GRM8: variants seen among roughly 807,000 people sequenced by gnomAD.
The protein encoded by GRM8 is glutamate metabotropic receptor 8, also known as metabotropic glutamate receptor 8.
GRM8 carries 47 observed loss-of-function variants against 87.2 expected under a neutral mutation model. The observed-to-expected ratio is 0.54, with a 90% CI of 0.43 to 0.69. The LOEUF is 0.69. Ranked by LOEUF, GRM8 falls within the 30% of genes least tolerant of loss-of-function variation. The pLI is 0.00. For synonymous variants in GRM8, 396 were observed against 404.5 expected (o/e 0.98, Z 0.25); for missense variants, 1,019 against 1,139.2 (o/e 0.89, Z 1.52).
At chr7:126,578,424 T>C (rs933279367) in intron 8 of GRM8, among the ~76,000 whole-genome samples, 3 of 152,156 alleles carry the variant, frequency 2.0e-5, no homozygotes, top group Non-Finnish European at 4.4e-5. Flanking sequence ...AAGGAGCAAG[T>C]GGTGTGGAGA....
intron 3 of GRM8, among the ~76,000 whole-genome samples, chr7:127,021,848 A>G (rs1282408584): frequency 6.6e-6 from 1 of 152,146 alleles, no homozygotes; most frequent in Non-Finnish European, 1.5e-5. Flanking sequence ...TAGAAAGGAT[A>G]CTAGAAAATA....
At chr7:126,680,776 T>A in intron 7 of GRM8, among the ~76,000 whole-genome samples, 1 of 152,226 alleles carries the variant, frequency 6.6e-6, no homozygotes, top group East Asian at 1.9e-4. Context: ...CCAGAAATAT[T>A]TGTTTTCTCC....
intron 9 of GRM8, among the ~76,000 whole-genome samples, chr7:126,519,901 A>T (rs1317746314): frequency 1.3e-5 from 2 of 152,140 alleles, no homozygotes; most frequent in Non-Finnish European, 2.9e-5. Context: ...AGAAATTTCA[A>T]ACAAACACTA....
At chr7:127,080,271 G>T (rs1386099519) in intron 3 of GRM8, among the ~76,000 whole-genome samples, 1 of 152,188 alleles carries the variant, frequency 6.6e-6, no homozygotes, top group African/African-American at 2.4e-5. Flanking sequence ...GGCAGCTTCT[G>T]GAAGCTGGAA....
intron 3 of GRM8, among the ~76,000 whole-genome samples, chr7:127,037,912 C>T (rs2132361733): frequency 6.6e-6 from 1 of 151,706 alleles, no homozygotes; most frequent in African/African-American, 2.4e-5. Flanking sequence ...AACTTGGATG[C>T]TTTTAATATG....
At position 126,696,478 on chromosome 7, in the gene GRM8, C is replaced by T. The variant is rs185858526; in HGVS notation, c.1357+73387G>A. On this transcript the variant is annotated intron_variant, in intron 7 of 10. Coordinates refer to ENST00000339582, the MANE Select transcript of GRM8 (RefSeq NM_000845.3). ...GCTCCCACTTACAAGTGAGAACATG[C>T]GGTCTTTGATTTTCTGTTCCTGTGT... Among the ~76,000 whole-genome samples, 4 of 152,102 alleles carry T rather than the reference C, an allele frequency of 2.6e-5. No individual in the cohort carries two copies. The East Asian group carries it at 5.8e-4, about 22-fold the overall frequency.
At chr7:126,614,256 C>A (rs1013290637) in intron 7 of GRM8, among the ~76,000 whole-genome samples, 5 of 152,130 alleles carry the variant, frequency 3.3e-5, no homozygotes, top group East Asian at 3.9e-4. Context: ...TGCTGATACC[C>A]AAGCAAACAG....
chr7:126,610,268 G>A (rs1238644139), intron 7 of GRM8, among the ~76,000 whole-genome samples: 1 of 152,112 alleles, frequency 6.6e-6, no homozygotes, highest in East Asian at 1.9e-4. Flanking sequence ...AGTAGAAATG[G>A]ATCACCACCC....
At chr7:126,956,517 G>T (rs1808701944) in intron 3 of GRM8, among the ~76,000 whole-genome samples, 1 of 151,972 alleles carries the variant, frequency 6.6e-6, no homozygotes, top group Admixed American at 6.6e-5. Flanking sequence ...TAAGTTTTAG[G>T]GTACATGTGC....
intron 7 of GRM8, among the ~76,000 whole-genome samples, chr7:126,665,866 A>G (rs539654984): frequency 9.2e-5 from 14 of 152,060 alleles, no homozygotes; most frequent in Non-Finnish European, 1.8e-4. Flanking sequence ...TGCATGTTTT[A>G]TTGTTTTCAA....
At chr7:126,489,196 C>T (rs519) in intron 9 of GRM8, among the ~76,000 whole-genome samples, 2,888 of 152,066 alleles carry the variant, frequency 0.019, 31 homozygotes, top group Non-Finnish European at 0.029. Context: ...TGCTTATCCC[C>T]GTTCTGATAT....
chr7:126,530,937 C>A (rs913968935), intron 9 of GRM8, among the ~76,000 whole-genome samples: 1 of 152,108 alleles, frequency 6.6e-6, no homozygotes, highest in African/African-American at 2.4e-5. Flanking sequence ...GCCTCCTGAA[C>A]AGCTTGGACT....
At chr7:126,475,555 A>C (rs1050949992) in intron 9 of GRM8, among the ~76,000 whole-genome samples, 13 of 152,122 alleles carry the variant, frequency 8.5e-5, no homozygotes, top group African/African-American at 3.1e-4. Context: ...ATGATCTACA[A>C]ATTCAATGTA....
chr7:126,615,356 C>T lies in GRM8; in HGVS notation c.1358-5858G>A, dbSNP rs934777299. On this transcript the variant is annotated intron_variant, in intron 7 of 10. Coordinates refer to ENST00000339582, the MANE Select transcript of GRM8 (RefSeq NM_000845.3). ...TTTTGTCACCACCAGGCCTGCCCTA[C>T]AAGAGCTCCTGAAGGAAGCACTAAA... 2.9e-4 allele frequency among the ~76,000 whole-genome samples: 44 copies of T among 152,202 alleles called. 1 individual carries two copies. The highest frequency in any genetic ancestry group is 1.0e-3 in the African/African-American group (43 of 41,536).
In GRM8 at chr7:126,770,034, A is replaced by G. The variant is rs141468999; in HGVS notation, c.1188T>C (p.Tyr396=). The G allele has an allele frequency of 1.1e-4, 174 of 1,612,722 alleles. No homozygotes were observed. In the African/African-American group the frequency reaches 2.0e-3, roughly 18 times the overall value. Residue 396 remains tyrosine (Y), a synonymous_variant, in exon 7 of 11, where the codon TAT becomes TAC. Transcript: ENST00000339582. ...GLERIARDSS[Y]EQEGKVQFVI... is the part of the protein sequence containing the mutation. ...CAAATTGGACCTTTCCTTCCTGTTC[A>G]TAAGATGAATCCCGAGCAATTCGCT...
rs1254593753 is a variant in GRM8, at chr7:127,106,685, C to T, written c.538G>A (p.Ala180Thr). The change falls in exon 3 of 11, where the codon GCC becomes ACC. Residue 180 changes from alanine (A) to threonine (T), a missense_variant. By Grantham distance (58) the Ala-to-Thr change is moderately conservative (BLOSUM62 0). Transcript: ENST00000339582. ...CTGGTGTTATCACTTAGCTCTGGGGCTGTGGATGCATAGCTGATTTGAGGT... is the reference window on the plus strand; with the variant it reads ...CTGGTGTTATCACTTAGCTCTGGGGTTGTGGATGCATAGCTGATTTGAGGT... The part of the protein sequence containing the change: ...KIPQISYAST[A>T]PELSDNTRYD... The T allele has an allele frequency of 6.2e-7, 1 of 1,613,334 alleles. No homozygotes were observed. Among genetic ancestry groups the T allele is most frequent in the South Asian group, 1.1e-5 (1 of 91,064 alleles).
intron 3 of GRM8, among the ~76,000 whole-genome samples, chr7:127,102,643 G>A (rs1427636675): frequency 5.3e-5 from 8 of 152,214 alleles, no homozygotes; most frequent in Admixed American, 4.6e-4. Flanking sequence ...GCCTGCAAGT[G>A]CACAGAGTGA....
chr7:126,614,904 T>G (rs1186893712), intron 7 of GRM8, among the ~76,000 whole-genome samples: 4 of 152,208 alleles, frequency 2.6e-5, no homozygotes, highest in African/African-American at 7.2e-5. Context: ...CTGATTGGTG[T>G]ACCTGAAAGT....
chr7:126,852,653 A>C (rs1451786007), intron 6 of GRM8, among the ~76,000 whole-genome samples: 2 of 152,154 alleles, frequency 1.3e-5, no homozygotes, highest in African/African-American at 4.8e-5. Flanking sequence ...ATGTATTGAG[A>C]GTATTTTCTT....
Sources: allele counts gnomAD v4.1 joint callset (sites outside exome capture counted in the v4.1 genomes callset), GRCh38; gene constraint gnomAD v4.1.1; transcripts MANE v1.5; gene names NCBI Gene and HGNC (gene_info 2026-07-23, HGNC 2026-07-21).